The following GRIK4 variants were observed in gnomAD, a reference collection of about 807,000 sequenced individuals.
The protein encoded by GRIK4 is glutamate receptor ionotropic, kainate 4.
A neutral mutation model predicts 104.9 loss-of-function variants in GRIK4; 40 were observed. The ratio of observed to expected loss-of-function variants is 0.38; its 90% CI spans 0.30 to 0.50. The LOEUF (loss-of-function observed/expected upper bound fraction) is 0.50. GRIK4 is among the 20% of genes least tolerant of loss of function. GRIK4 has a pLI of 0.93. For missense variants in GRIK4, 1,047 were observed against 1,308.1 expected, an observed-to-expected ratio of 0.80 and a Z score of 3.08; for synonymous variants, 485 against 524.9, an observed-to-expected ratio of 0.92 and a Z score of 1.04.
In GRIK4 at chr11:120,869,727, A is replaced by G. The variant is rs527715697; in HGVS notation, c.907-4339A>G. 3.3e-5 allele frequency: 5 copies of G among 152,884 alleles called. No homozygotes were observed. The East Asian group carries it at 9.6e-4, about 29-fold the overall frequency. The allele number at this position is 152,884 out of a possible 1,614,324, so 9.5% of individuals were successfully genotyped here. ...ATGACGGTCTCTTGGGGACCAGCAC[A>G]CAGCCTCACTGGAGGAAGAGGGGGC... is the stretch of plus-strand genomic sequence containing the variant. On this transcript the variant is annotated intron_variant, in intron 9 of 20. Transcript: ENST00000527524.
intron 13 of GRIK4, among the ~76,000 whole-genome samples, chr11:120,911,923 A>T (rs1943007766): frequency 6.6e-6 from 1 of 152,040 alleles, no homozygotes; most frequent in Non-Finnish European, 1.5e-5. Flanking sequence ...ATAAGGTTTT[A>T]AAAAACTAAA....
chr11:120,918,158 G>A (rs528527917), intron 13 of GRIK4, among the ~76,000 whole-genome samples: 7 of 152,278 alleles, frequency 4.6e-5, no homozygotes, highest in Admixed American at 1.3e-4. Context: ...AGTTCAGCAC[G>A]CAGGGACCAA....
chr11:120,882,265 G>T (rs1954988169), intron 11 of GRIK4, among the ~76,000 whole-genome samples: 1 of 152,218 alleles, frequency 6.6e-6, no homozygotes, highest in Non-Finnish European at 1.5e-5. Context: ...GCAGCTCTGA[G>T]AGTACTGTGA....
intron 1 of GRIK4, among the ~76,000 whole-genome samples, chr11:120,599,648 G>T (rs1189336038): frequency 6.6e-6 from 1 of 152,238 alleles, no homozygotes; most frequent in African/African-American, 2.4e-5. Flanking sequence ...CCCGTTTTCA[G>T]TGCAGAAAGT....
At chr11:120,895,771 C>T (rs1942562481) in intron 11 of GRIK4, among the ~76,000 whole-genome samples, 1 of 152,154 alleles carries the variant, frequency 6.6e-6, no homozygotes. Context: ...TGTAACTACT[C>T]GAAAGGGTTG....
chr11:120,861,904 C>T (rs1954275446), intron 8 of GRIK4, 55 bp from the exon 9 acceptor site: 2 of 1,357,268 alleles, frequency 1.5e-6, no homozygotes, highest in African/African-American at 2.8e-5. Context: ...AAAGTCCATC[C>T]CTCACTTCAC....
At chr11:120,873,937 A>T (rs1954686793) in intron 9 of GRIK4, 129 bp from the exon 10 acceptor site, 2 of 784,176 alleles carry the variant, frequency 2.6e-6, no homozygotes, top group Admixed American at 2.5e-5. Flanking sequence ...GGTGATGAAG[A>T]TGCACTCTTA....
chr11:120,815,060 G>C (rs1035395783), intron 4 of GRIK4, among the ~76,000 whole-genome samples: 1 of 152,356 alleles, frequency 6.6e-6, no homozygotes, highest in South Asian at 2.1e-4. Context: ...GGAATCTGCA[G>C]GTTTGTTCCA....
chr11:120,769,620 C>T (rs1228464533), intron 3 of GRIK4, among the ~76,000 whole-genome samples: 1 of 152,122 alleles, frequency 6.6e-6, no homozygotes, highest in African/African-American at 2.4e-5. Context: ...AAACAAAAAA[C>T]AGGTGGCAGG....
chr11:120,550,008 GC>G (rs932120947), intron 1 of GRIK4, among the ~76,000 whole-genome samples: 6 of 152,246 alleles, frequency 3.9e-5, no homozygotes, highest in African/African-American at 1.2e-4. Context: ...GCAATGAAAA[GC>G]CATTAAAGGA....
intron 3 of GRIK4, among the ~76,000 whole-genome samples, chr11:120,686,668 T>A (rs1591804144): frequency 6.6e-6 from 1 of 152,260 alleles, no homozygotes; most frequent in African/African-American, 2.4e-5. Context: ...TAACAGGCTG[T>A]CTCAACGTTA....
chr11:120,966,800 G>A (rs565709281), intron 18 of GRIK4, among the ~76,000 whole-genome samples: 1 of 152,300 alleles, frequency 6.6e-6, no homozygotes, highest in South Asian at 2.1e-4. Context: ...GTGTGTCGGT[G>A]GGCAGGTTGT....
intron 3 of GRIK4, among the ~76,000 whole-genome samples, chr11:120,670,267 C>CT (rs143744719): frequency 0.14 from 21,976 of 152,174 alleles, 1,704 homozygotes; most frequent in South Asian, 0.23. Context: ...CTTTCTTGCC[C>CT]CTCACTTTTC....
intron 1 of GRIK4, among the ~76,000 whole-genome samples, chr11:120,604,065 G>A (rs1307661215): frequency 2.6e-5 from 4 of 151,674 alleles, no homozygotes; most frequent in African/African-American, 9.7e-5. Flanking sequence ...CCAGCTACTC[G>A]GGAGGCTGAG....
chr11:120,822,211 CAAAAAAAAAAAAAA>C (rs34732807), intron 6 of GRIK4, among the ~76,000 whole-genome samples: 2 of 71,644 alleles, frequency 2.8e-5, no homozygotes, highest in Non-Finnish European at 5.5e-5. Context: ...AACCCTATCT[CAAAAAAAAAAAAAA>C]AAAAAAAAAA....
chr11:120,667,926 A>G (rs1482256886), intron 3 of GRIK4, among the ~76,000 whole-genome samples: 1 of 152,170 alleles, frequency 6.6e-6, no homozygotes, highest in Non-Finnish European at 1.5e-5. Context: ...TATCTATCTG[A>G]GTATGACCCC....
intron 3 of GRIK4, among the ~76,000 whole-genome samples, chr11:120,741,268 G>A (rs1388726854): frequency 6.7e-6 from 1 of 148,462 alleles, no homozygotes. Context: ...AACAGGCCGT[G>A]TGCTTTCTTT....
intron 1 of GRIK4, among the ~76,000 whole-genome samples, chr11:120,637,282 C>T (rs563339915): frequency 1.7e-4 from 26 of 152,134 alleles, no homozygotes; most frequent in African/African-American, 4.6e-4. Flanking sequence ...TACCAGCAAG[C>T]GACACAGTGG....
intron 11 of GRIK4, among the ~76,000 whole-genome samples, chr11:120,897,532 G>A (rs1236823207): frequency 7.5e-6 from 1 of 132,702 alleles, no homozygotes; most frequent in Non-Finnish European, 1.5e-5. Flanking sequence ...TACTCGGGAG[G>A]CAGAGGTTGC....
Sources: gnomAD v4.1 joint callset for allele counts (sites outside exome capture counted in the v4.1 genomes callset) on GRCh38, gnomAD v4.1.1 for gene constraint, MANE v1.5 for transcripts, NCBI Gene and HGNC (gene_info 2026-07-23, HGNC 2026-07-21) for gene names.